Variants in ASS1 observed in about 807,000 individuals in gnomAD.
The protein encoded by ASS1 is argininosuccinate synthase.
Under a neutral mutation model 60.5 loss-of-function variants are expected in ASS1, and 58 were observed. The ratio of observed to expected loss-of-function variants is 0.96; its 90% CI spans 0.78 to 1.19. The LOEUF (loss-of-function observed/expected upper bound fraction) is 1.19. Among genes scored for constraint, ASS1 ranks in the 50% most tolerant of loss-of-function variants. ASS1 has a pLI of 0.00. For missense variants in ASS1, 454 were observed against 547.3 expected, an observed-to-expected ratio of 0.83 and a Z score of 1.70; for synonymous variants, 200 against 206.9, an observed-to-expected ratio of 0.97 and a Z score of 0.29.
intron 11 of ASS1, among the ~76,000 whole-genome samples, chr9:130,487,262 C>T (rs1490956828): frequency 6.6e-6 from 1 of 152,164 alleles, no homozygotes; most frequent in Admixed American, 6.5e-5. Flanking sequence ...CTGACATTTC[C>T]GTGATTCTAA....
Position 130,470,208 on chromosome 9 carries a change from C to T in ASS1, c.496-626C>T, listed in dbSNP as rs371723810. ...CCTCCTGGGCAGAGGTGGGTGTCCT[C>T]CTGTAACAACAGACTGGGCCATTTA... On this transcript the variant is annotated intron_variant, in intron 6 of 14. Coordinates refer to ENST00000352480, the MANE Select transcript of ASS1 (RefSeq NM_054012.4). The surrounding 1 kb of genome is among the most constrained non-coding windows in gnomAD (Gnocchi z 4.3). Among the ~76,000 whole-genome samples the T allele has an allele frequency of 3.3e-5, 5 of 152,354 alleles. No individual in the cohort carries two copies. Among genetic ancestry groups the T allele is most frequent in the African/African-American group, 1.2e-4 (5 of 41,588 alleles).
chr9:130,491,806 G>A lies in ASS1; in HGVS notation c.970+2342G>A, dbSNP rs73544062. On this transcript the variant is annotated intron_variant, in intron 12 of 14. Coordinates refer to ENST00000352480, the MANE Select transcript of ASS1 (RefSeq NM_054012.4). This position sits in a 1 kb window ranked among gnomAD's most constrained non-coding sequence, Gnocchi z 5.3. Reference sequence around the variant, plus strand: ...AGAGTGGAGGCGAGGGAGAGTAGGGGCTTCTTCTGGGTAGTTATCACTAAT... The same window carrying A: ...AGAGTGGAGGCGAGGGAGAGTAGGGACTTCTTCTGGGTAGTTATCACTAAT... 0.034 allele frequency among the ~76,000 whole-genome samples: 5,231 copies of A among 152,218 alleles called. 313 individuals are homozygous for A. Among genetic ancestry groups the A allele is most frequent in the African/African-American group, 0.12 (4,998 of 41,510 alleles).
intron 11 of ASS1, among the ~76,000 whole-genome samples, chr9:130,484,767 C>T (rs1323016554): frequency 1.3e-5 from 2 of 151,406 alleles, no homozygotes; most frequent in African/African-American, 4.9e-5. Flanking sequence ...TACCCCCTAC[C>T]CCTGTGGAGA....
At position 130,449,188 on chromosome 9, in the gene ASS1, A is replaced by T. The variant is rs1845268557; in HGVS notation, c.-5-3036A>T. On this transcript the variant is annotated intron_variant, in intron 1 of 14. Transcript: ENST00000352480. ...TCTACAAAAAATACAAAAATTAGGC[A>T]GGTGTGGTGGCATGTGCCTGTAGTC... 2.6e-5 allele frequency among the ~76,000 whole-genome samples: 4 copies of T among 151,856 alleles called. No individual in the cohort carries two copies. In the South Asian group the frequency reaches 8.3e-4, roughly 32 times the overall value.
Position 130,489,513 on chromosome 9 carries a change from C to T in ASS1, c.970+49C>T. On this transcript the variant is annotated intron_variant, in intron 12 of 14. Transcript: ENST00000352480. This position sits in a 1 kb window ranked among gnomAD's most constrained non-coding sequence, Gnocchi z 4.1. Reference sequence around the variant, plus strand: ...CCCTCTAACCGCCTCACAAGGGATCCCAAAGTACTATCAGGCTCTCGGGCC... The same window carrying T: ...CCCTCTAACCGCCTCACAAGGGATCTCAAAGTACTATCAGGCTCTCGGGCC... 2.5e-6 allele frequency: 4 copies of T among 1,613,504 alleles called. No individual in the cohort carries two copies. Among genetic ancestry groups the T allele is most frequent in the Non-Finnish European group, 3.4e-6 (4 of 1,179,760 alleles).
At chr9:130,458,031 C>A (rs148473604) in intron 3 of ASS1, among the ~76,000 whole-genome samples, 1 of 151,788 alleles carries the variant, frequency 6.6e-6, no homozygotes, top group African/African-American at 2.4e-5. Context: ...TGGTGGCATG[C>A]GCCTGTAATC....
chr9:130,449,342 GAAAA>G (rs55853169), intron 1 of ASS1, among the ~76,000 whole-genome samples: 1 of 91,520 alleles, frequency 1.1e-5, no homozygotes, highest in Non-Finnish European at 2.0e-5. Flanking sequence ...GACCCTGTCT[GAAAA>G]AAAAAAAAAA....
At chr9:130,479,646 T>G (rs1588495252) in intron 9 of ASS1, 70 bp from the exon 10 acceptor site, 1 of 1,199,318 alleles carries the variant, frequency 8.3e-7, no homozygotes, top group Non-Finnish European at 1.2e-6. Context: ...AGGGAGAGGG[T>G]GGGGTGGCGG....
intron 3 of ASS1, 77 bp downstream of exon 3, chr9:130,454,450 A>C (rs894440701): frequency 7.0e-7 from 1 of 1,420,552 alleles, no homozygotes; most frequent in Non-Finnish European, 9.8e-7. Flanking sequence ...CTCCTGCCCC[A>C]GGGATCCCAT....
At chr9:130,487,994 A>G (rs1846348876) in intron 11 of ASS1, among the ~76,000 whole-genome samples, 1 of 151,972 alleles carries the variant, frequency 6.6e-6, no homozygotes, top group African/African-American at 2.4e-5. Context: ...ACCTGAGGTG[A>G]TCCACCTGCC....
chr9:130,448,390 G>A (rs1025171549), intron 1 of ASS1, among the ~76,000 whole-genome samples: 8 of 150,060 alleles, frequency 5.3e-5, no homozygotes, highest in East Asian at 2.0e-4. Context: ...TCTCAGGTAC[G>A]CACCCCTGGG....
intron 2 of ASS1, 136 bp downstream of exon 2, chr9:130,452,469 C>A (rs567961650): frequency 6.4e-6 from 5 of 781,018 alleles, no homozygotes; most frequent in Non-Finnish European, 9.0e-6. Context: ...TCTCTCGAAG[C>A]CTGTCTTGAA....
At chr9:130,445,164 C>G (rs1845165458) in intron 1 of ASS1, 169 bp downstream of exon 1, 2 of 985,206 alleles carry the variant, frequency 2.0e-6, no homozygotes, top group African/African-American at 1.7e-5. Context: ...AGGGAAGGGG[C>G]TCCCGATGCT....
chr9:130,473,467 GGGCACCCAGAGTCCCACCCA>G (rs147799641), intron 8 of ASS1, among the ~76,000 whole-genome samples: 121,633 of 150,858 alleles, frequency 0.81, 50,906 homozygotes, highest in East Asian at 1. Flanking sequence ...GAGAGGCCCG[GGGCACCCAGAGTCCCACCCA>G]GGCACCCAGA....
At chr9:130,479,937 A>C (rs1846126927) in intron 10 of ASS1, 137 bp downstream of exon 10, 4 of 1,058,362 alleles carry the variant, frequency 3.8e-6, no homozygotes, top group Non-Finnish European at 5.9e-6. Context: ...CCATAGCCAC[A>C]GAGTTTCCCG....
chr9:130,447,387 C>T (rs1438756900), intron 1 of ASS1, among the ~76,000 whole-genome samples: 3 of 152,228 alleles, frequency 2.0e-5, no homozygotes, highest in Non-Finnish European at 2.9e-5. Context: ...ACATAGTAGC[C>T]GCTCTTGTTG....
rs955231033 is a variant in ASS1, at chr9:130,466,451, G to T, written c.421-274G>T. 5.7e-5 allele frequency: 31 copies of T among 544,054 alleles called. No individual in the cohort carries two copies. In the Middle Eastern group the frequency reaches 2.0e-3, roughly 36 times the overall value. The allele number at this position is 544,054 out of a possible 1,614,324, so 33.7% of individuals were successfully genotyped here. A position where few individuals can be genotyped will look rare whatever the true frequency, so the allele number is the denominator to read the frequency against. ...CAAACTCTCAGGTCTCATCTGGGGAGACTGAGGCCCAGGGAACAGGGACCC... is the reference window on the plus strand; with the variant it reads ...CAAACTCTCAGGTCTCATCTGGGGATACTGAGGCCCAGGGAACAGGGACCC... On this transcript the variant is annotated intron_variant, in intron 5 of 14. Transcript: ENST00000352480.
At chr9:130,454,513 GGT>G in intron 3 of ASS1, 140 bp downstream of exon 3, 1 of 959,434 alleles carries the variant, frequency 1.0e-6, no homozygotes, top group Non-Finnish European at 1.6e-6. Flanking sequence ...CCTGCTCTCA[GGT>G]GTGTGAACCC....
At chr9:130,481,741 G>A (rs2118846000) in intron 11 of ASS1, among the ~76,000 whole-genome samples, 1 of 152,314 alleles carries the variant, frequency 6.6e-6, no homozygotes, top group South Asian at 2.1e-4. Context: ...GACCGGGGCG[G>A]GGACGGGCTT....
Sources: gnomAD v4.1 joint callset for allele counts (sites outside exome capture counted in the v4.1 genomes callset) on GRCh38, gnomAD v4.1.1 for gene constraint, Gnocchi (gnomAD v3.1) non-coding constraint, MANE v1.5 for transcripts, NCBI Gene and HGNC (gene_info 2026-07-23, HGNC 2026-07-21) for gene names.